The following LINGO3 variants were observed in gnomAD, a reference collection of about 807,000 sequenced individuals.
LINGO3 encodes the protein leucine-rich repeat and immunoglobulin-like domain-containing nogo receptor-interacting protein 3.
For missense variants in LINGO3, 750 were observed against 867.7 expected, an observed-to-expected ratio of 0.86 and a Z score of 1.70; for synonymous variants, 427 against 444.2, an observed-to-expected ratio of 0.96 and a Z score of 0.49.
downstream of LINGO3, among the ~76,000 whole-genome samples, chr19:2,287,303 C>A: frequency 6.6e-6 from 1 of 152,046 alleles, no homozygotes; most frequent in Non-Finnish European, 1.5e-5. The surrounding 1 kb of genome is among the most constrained non-coding windows in gnomAD (Gnocchi z 4.5). Context: ...TATACGGATG[C>A]TCTGTGAACC....
the LINGO3 span, among the ~76,000 whole-genome samples, chr19:2,300,573 C>T: frequency 6.6e-6 from 1 of 152,000 alleles, no homozygotes; most frequent in African/African-American, 2.4e-5. Flanking sequence ...CCCAGGGACC[C>T]AGCCCCATCC....
chr19:2,296,639 C>T (rs547390588), upstream of LINGO3, among the ~76,000 whole-genome samples: 13 of 152,002 alleles, frequency 8.6e-5, no homozygotes, highest in East Asian at 2.0e-4. Context: ...CTACCACACC[C>T]GGCTAATTTT....
chr19:2,292,895 T>G (rs756738948), upstream of LINGO3, among the ~76,000 whole-genome samples: 1 of 152,146 alleles, frequency 6.6e-6, no homozygotes, highest in Non-Finnish European at 1.5e-5. Context: ...AAGGCTGGAA[T>G]GTGCCCCAAG....
At chr19:2,302,378 C>T in the LINGO3 span, among the ~76,000 whole-genome samples, 1 of 152,148 alleles carries the variant, frequency 6.6e-6, no homozygotes, top group South Asian at 2.1e-4. Context: ...CCTTAAGGAG[C>T]TTACATTCTG....
chr19:2,296,773 A>C (rs2025575518), upstream of LINGO3, among the ~76,000 whole-genome samples: 1 of 149,174 alleles, frequency 6.7e-6, no homozygotes. Flanking sequence ...CACCGTGCCC[A>C]GCTGCAAGAC....
In LINGO3 at chr19:2,290,138, C is replaced by A. The variant is rs1242316797; in HGVS notation, c.1639G>T (p.Val547Leu). The A allele has an allele frequency of 6.2e-6, 10 of 1,612,300 alleles. No individual in the cohort carries two copies. The highest frequency in any genetic ancestry group is 8.5e-6 in the Non-Finnish European group (10 of 1,179,492). Reference sequence around the variant, plus strand: ...CCGCGGCTCCACACGAACAGCAGCACGAAGCAGAAGAGGACCACGCCCAGG... The same window carrying A: ...CCGCGGCTCCACACGAACAGCAGCAAGAAGCAGAAGAGGACCACGCCCAGG... Residue 547 changes from valine to leucine, a missense_variant, in exon 1 of 1, where the codon GTG becomes TTG. Coordinates refer to ENST00000585527, the Ensembl canonical transcript of LINGO3. This position sits in a 1 kb window ranked among gnomAD's most constrained non-coding sequence, Gnocchi z 6.0.
chr19:2,304,961 G>A, the LINGO3 span, among the ~76,000 whole-genome samples: 3 of 151,898 alleles, frequency 2.0e-5, no homozygotes, highest in Admixed American at 1.3e-4. Context: ...TGCCTGCCTC[G>A]GCCTTCCAAA....
At chr19:2,301,580 C>T in the LINGO3 span, among the ~76,000 whole-genome samples, 1 of 152,108 alleles carries the variant, frequency 6.6e-6, no homozygotes, top group Non-Finnish European at 1.5e-5. Context: ...GGCGGAGACC[C>T]AGAGACGGAC....
chr19:2,299,810 GC>G, the LINGO3 span, among the ~76,000 whole-genome samples: 1 of 139,660 alleles, frequency 7.2e-6, no homozygotes, highest in African/African-American at 2.7e-5. Flanking sequence ...TGCAAGCTTC[GC>G]CCCCTGGGTT....
the LINGO3 span, among the ~76,000 whole-genome samples, chr19:2,301,441 G>C: frequency 6.6e-6 from 1 of 152,080 alleles, no homozygotes; most frequent in Admixed American, 6.5e-5. Context: ...CCCTGGACAC[G>C]GCCCAGAGTC....
At chr19:2,296,977 A>G (rs1363563774), upstream of LINGO3, among the ~76,000 whole-genome samples, 2 of 151,512 alleles carry the variant, frequency 1.3e-5, no homozygotes, top group Admixed American at 1.3e-4. Context: ...CCGTAGTCCC[A>G]GCTACTCGGG....
chr19:2,292,300 A>G (rs997865133), upstream of LINGO3, among the ~76,000 whole-genome samples: 36 of 144,394 alleles, frequency 2.5e-4, no homozygotes, highest in Non-Finnish European at 1.2e-4. Context: ...CAGGAGGCTG[A>G]GCCAGGAGGA....
At chr19:2,293,656 G>A (rs539888856), upstream of LINGO3, among the ~76,000 whole-genome samples, 8 of 149,782 alleles carry the variant, frequency 5.3e-5, no homozygotes, top group South Asian at 9.0e-4. Flanking sequence ...CACCGCGCCC[G>A]TCCGTGTGAT....
rs952382769 is a variant in LINGO3 at position 2,291,408 on chromosome 19, C to T, written c.369G>A (p.Thr123=). The T allele has an allele frequency of 5.0e-6, 8 of 1,613,434 alleles. No homozygotes were observed. In the East Asian group the frequency reaches 8.9e-5, roughly 18 times the overall value. ...CCAGCAGCGTGAGGTTGTCCAGGCG[C>T]GTGAAGACCCCGGGCGGGATGAGCT... is the stretch of plus-strand genomic sequence containing the variant. Residue 123 remains threonine, a synonymous_variant, in exon 1 of 1, where the codon ACG becomes ACA. Coordinates refer to ENST00000585527, the Ensembl canonical transcript of LINGO3.
At position 2,291,815 on chromosome 19, in the gene LINGO3, C is replaced by A; in HGVS notation, c.-39G>T. 2 of 1,453,538 alleles carry A rather than the reference C, an allele frequency of 1.4e-6. No homozygotes were observed. Among genetic ancestry groups the A allele is most frequent in the Non-Finnish European group, 1.8e-6 (2 of 1,094,026 alleles). 90.0% of individuals were successfully genotyped at this position (1,453,538 alleles called of 1,614,324 possible). A position where few individuals can be genotyped will look rare whatever the true frequency, so the allele number is the denominator to read the frequency against. The stretch of plus-strand genomic sequence containing the variant: ...GGCCTAGGGCCGCGCCACCATCCTC[C>A]TGCGCACCTGCGGGCGGGCGGGGAG... On this transcript the variant is annotated 5_prime_UTR_variant, in exon 1 of 1. The change creates a new upstream start codon in the 5' untranslated region. Transcript: ENST00000585527.
At chr19:2,306,383 C>A in the LINGO3 span, among the ~76,000 whole-genome samples, 2 of 152,234 alleles carry the variant, frequency 1.3e-5, no homozygotes, top group Non-Finnish European at 2.9e-5. Context: ...CCGGGGCCAA[C>A]TTTGCTCGCA....
chr19:2,287,261 G>T (rs540487721), downstream of LINGO3, among the ~76,000 whole-genome samples: 1 of 152,204 alleles, frequency 6.6e-6, no homozygotes, highest in Non-Finnish European at 1.5e-5. The surrounding 1 kb of genome is among the most constrained non-coding windows in gnomAD (Gnocchi z 4.5). Flanking sequence ...GTTGGGATGG[G>T]GTGGGGGGCT....
At chr19:2,288,911 C>G (rs529915911), downstream of LINGO3, among the ~76,000 whole-genome samples, 28 of 151,498 alleles carry the variant, frequency 1.8e-4, no homozygotes, top group Non-Finnish European at 4.0e-4. The surrounding 1 kb of genome is among the most constrained non-coding windows in gnomAD (Gnocchi z 6.5). Context: ...CCCTGCCTGC[C>G]TCTGTGGTCA....
chr19:2,292,425 A>T (rs79404673), upstream of LINGO3, among the ~76,000 whole-genome samples: 2 of 141,858 alleles, frequency 1.4e-5, no homozygotes, highest in Admixed American at 7.2e-5. Flanking sequence ...AAAAAAAAAA[A>T]GCAGCATTGA....
Sources: gnomAD v4.1 joint callset for allele counts (sites outside exome capture counted in the v4.1 genomes callset) on GRCh38, gnomAD v4.1.1 for gene constraint, Gnocchi (gnomAD v3.1) non-coding constraint, MANE v1.5 for transcripts, NCBI Gene and HGNC (gene_info 2026-07-23, HGNC 2026-07-21) for gene names.